The following NCOA5 variants were observed in gnomAD, a reference collection of about 807,000 sequenced individuals.
NCOA5 encodes NCoA-5.
In NCOA5, 12 loss-of-function variants were observed where a neutral mutation model predicts 59.0. The ratio of observed to expected loss-of-function variants is 0.20; its 90% confidence interval spans 0.13 to 0.33. NCOA5 has a LOEUF of 0.33. Ranked by LOEUF, NCOA5 falls within the 10% of genes least tolerant of loss-of-function variation. The probability of loss-of-function intolerance (pLI) is 1.00; values close to 1 mark genes in which losing one functional copy is unlikely to be tolerated. For synonymous variants in NCOA5, 270 were observed against 275.5 expected, an observed-to-expected ratio of 0.98 and a Z score of 0.20; for missense variants, 655 against 766.6, an observed-to-expected ratio of 0.85 and a Z score of 1.72.
intron 2 of NCOA5, among the ~76,000 whole-genome samples, chr20:46,071,886 C>T (rs1385964902): frequency 1.3e-5 from 2 of 152,176 alleles, no homozygotes; most frequent in African/African-American, 4.8e-5. Context: ...CTTGATCTGG[C>T]ATTTACCCTT....
chr20:46,076,687 G>A (rs2145543475), intron 2 of NCOA5, among the ~76,000 whole-genome samples: 1 of 151,752 alleles, frequency 6.6e-6, no homozygotes, highest in East Asian at 1.9e-4. Flanking sequence ...ACTTCATCAT[G>A]TTAAATAACA....
rs2084772417 is a variant in NCOA5 at position 46,062,126 on chromosome 20, G to A, written c.*174C>T. 8.9e-6 allele frequency: 5 copies of A among 564,314 alleles called. No individual in the cohort carries two copies. Among genetic ancestry groups the A allele is most frequent in the Admixed American group, 3.1e-5 (1 of 32,398 alleles). 35.0% of individuals were successfully genotyped at this position (564,314 alleles called of 1,614,324 possible). ...CAGCCCCAAATGCAGTATAAACTTT[G>A]TAAGGAATAAGCAACACAGCCTTGG... On this transcript the variant is annotated 3_prime_UTR_variant, in exon 8 of 8. Coordinates refer to ENST00000290231, the MANE Select transcript of NCOA5 (RefSeq NM_020967.3).
chr20:46,061,055 A>G lies in NCOA5; in HGVS notation c.*1245T>C, dbSNP rs1394398117. 6.7e-6 allele frequency: 1 copy of G among 150,194 alleles called. No homozygotes were observed. The highest frequency in any genetic ancestry group is 2.4e-5 in the African/African-American group (1 of 40,860). 9.3% of individuals were successfully genotyped at this position (150,194 alleles called of 1,614,324 possible). On this transcript the variant is annotated 3_prime_UTR_variant, in exon 8 of 8. Coordinates refer to ENST00000290231, the MANE Select transcript of NCOA5 (RefSeq NM_020967.3). ...TAACAACACAAGAGTTCCAAAGAGG[A>G]AAAAAAAAACCACTATATAACACAA...
intron 3 of NCOA5, among the ~76,000 whole-genome samples, chr20:46,069,819 T>C (rs1034844411): frequency 1.3e-5 from 2 of 152,226 alleles, no homozygotes; most frequent in Admixed American, 1.3e-4. Context: ...CTGCTATGCA[T>C]ATTCATGTAC....
intron 3 of NCOA5, among the ~76,000 whole-genome samples, chr20:46,069,779 G>A (rs1043755290): frequency 6.6e-6 from 1 of 152,022 alleles, no homozygotes; most frequent in Admixed American, 6.6e-5. Context: ...CATCTGGAGT[G>A]TTTTTACCTT....
At position 46,070,206 on chromosome 20, in the gene NCOA5, G is replaced by A. The variant is rs1210567150; in HGVS notation, c.365+4C>T. 2.5e-6 allele frequency: 4 copies of A among 1,610,416 alleles called. No homozygotes were observed. Among genetic ancestry groups the A allele is most frequent in the Non-Finnish European group, 2.5e-6 (3 of 1,177,014 alleles). ...AAAAACAAGCAGAGTAACTACGTAT[G>A]TACCTGTACATAGGATCTCGGGAGT... On this transcript the variant is annotated splice_donor_region_variant and intron_variant, in intron 3 of 7. Coordinates refer to ENST00000290231, the MANE Select transcript of NCOA5 (RefSeq NM_020967.3).
At chr20:46,072,585 G>A (rs189574277) in intron 2 of NCOA5, among the ~76,000 whole-genome samples, 3 of 152,214 alleles carry the variant, frequency 2.0e-5, no homozygotes, top group African/African-American at 7.2e-5. Flanking sequence ...CTCTAACCCT[G>A]TCACACCCTC....
At chr20:46,079,321 G>A (rs117617922) in intron 2 of NCOA5, 66 bp downstream of exon 2, 19 of 1,494,258 alleles carry the variant, frequency 1.3e-5, no homozygotes, top group African/African-American at 1.4e-5. Flanking sequence ...TTTGGTGTAC[G>A]AAGCTGGGCT....
At chr20:46,085,387 T>C (rs199696759) in intron 1 of NCOA5, among the ~76,000 whole-genome samples, 2 of 151,850 alleles carry the variant, frequency 1.3e-5, no homozygotes, top group South Asian at 4.2e-4. Flanking sequence ...TACAATACAA[T>C]CTAAAGTGGG....
Position 46,074,625 on chromosome 20 carries a change from C to A in NCOA5, c.39-4089G>T, listed in dbSNP as rs537060735. On this transcript the variant is annotated intron_variant, in intron 2 of 7. Transcript: ENST00000290231. ...TCACACTGCTGGGAAACATTTGAGA[C>A]GTAAGGGCGAAAGGGGTGAAGGGGA... Among the ~76,000 whole-genome samples the A allele has an allele frequency of 3.3e-5, 5 of 152,260 alleles. No individual in the cohort carries two copies. In the South Asian group the frequency reaches 8.3e-4, roughly 25 times the overall value.
At position 46,072,527 on chromosome 20, in the gene NCOA5, A is replaced by G. The variant is rs116121046; in HGVS notation, c.39-1991T>C. On this transcript the variant is annotated intron_variant, in intron 2 of 7. Coordinates refer to ENST00000290231, the MANE Select transcript of NCOA5 (RefSeq NM_020967.3). ...CACAGTATTTAGAATTCAATCTACA[A>G]CCTCTACCAATGCCATGAAGGTCCT... 2.0e-3 allele frequency among the ~76,000 whole-genome samples: 302 copies of G among 151,956 alleles called. 2 individuals carry two copies. Among genetic ancestry groups the G allele is most frequent in the African/African-American group, 6.7e-3 (277 of 41,440 alleles).
intron 1 of NCOA5, among the ~76,000 whole-genome samples, chr20:46,087,139 T>C (rs1202854375): frequency 6.6e-6 from 1 of 152,216 alleles, no homozygotes; most frequent in Non-Finnish European, 1.5e-5. Flanking sequence ...GTATTTACCA[T>C]ATGCACTACT....
chr20:46,085,532 G>A (rs1244551648), intron 1 of NCOA5, among the ~76,000 whole-genome samples: 1 of 152,078 alleles, frequency 6.6e-6, no homozygotes, highest in Non-Finnish European at 1.5e-5. Flanking sequence ...GGCAGGGAAG[G>A]CTTAAAAATA....
chr20:46,074,195 A>C (rs2084912922), intron 2 of NCOA5, among the ~76,000 whole-genome samples: 1 of 152,198 alleles, frequency 6.6e-6, no homozygotes, highest in African/African-American at 2.4e-5. Context: ...ACTCCTCAGA[A>C]CAAAAGGGCT....
chr20:46,077,642 T>C (rs16991062), intron 2 of NCOA5, among the ~76,000 whole-genome samples: 1 of 152,158 alleles, frequency 6.6e-6, no homozygotes, highest in Non-Finnish European at 1.5e-5. Flanking sequence ...GTGTCTTTTA[T>C]AGTTACAAAT....
At chr20:46,066,462 C>T (rs1426484849) in intron 5 of NCOA5, among the ~76,000 whole-genome samples, 12 of 152,198 alleles carry the variant, frequency 7.9e-5, no homozygotes, top group Admixed American at 7.9e-4. Context: ...AGCGGCTACA[C>T]CCTCTTCCAC....
At chr20:46,066,540 C>T (rs2084825152) in intron 5 of NCOA5, among the ~76,000 whole-genome samples, 1 of 152,150 alleles carries the variant, frequency 6.6e-6, no homozygotes, top group African/African-American at 2.4e-5. Flanking sequence ...ATGACTTAGC[C>T]CTGGCCAATC....
At chr20:46,077,237 A>G (rs2084947436) in intron 2 of NCOA5, among the ~76,000 whole-genome samples, 2 of 152,158 alleles carry the variant, frequency 1.3e-5, no homozygotes, top group African/African-American at 4.8e-5. Context: ...GGCCCTCTCC[A>G]GTGCTGTCTG....
chr20:46,070,062 T>G, intron 3 of NCOA5, 148 bp downstream of exon 3: 1 of 647,890 alleles, frequency 1.5e-6, no homozygotes, highest in Non-Finnish European at 2.6e-6. Flanking sequence ...TCAGCAAAAT[T>G]TATTGAGCAG....
Sources: gnomAD v4.1 joint callset for allele counts (sites outside exome capture counted in the v4.1 genomes callset) on GRCh38, gnomAD v4.1.1 for gene constraint, MANE v1.5 for transcripts, NCBI Gene and HGNC (gene_info 2026-07-23, HGNC 2026-07-21) for gene names.